Variants in CCDC38 observed in about 807,000 individuals in gnomAD.
The protein encoded by CCDC38 is coiled-coil domain-containing protein 38.
In CCDC38, 69 loss-of-function variants were observed where a neutral mutation model predicts 72.8. The observed-to-expected ratio is 0.95, with a 90% CI of 0.78 to 1.16. The LOEUF is 1.16. Among genes scored for constraint, CCDC38 ranks in the 50% most tolerant of loss-of-function variants. The probability of loss-of-function intolerance (pLI) is 0.00; values close to 1 mark genes in which losing one functional copy is unlikely to be tolerated. For synonymous variants in CCDC38, 201 were observed against 213.2 expected, an observed-to-expected ratio of 0.94 and a Z score of 0.50; for missense variants, 626 against 638.9, an observed-to-expected ratio of 0.98 and a Z score of 0.22.
intron 7 of CCDC38, among the ~76,000 whole-genome samples, chr12:95,896,908 C>T (rs1474156752): frequency 2.0e-5 from 3 of 152,192 alleles, no homozygotes; most frequent in Non-Finnish European, 4.4e-5. Flanking sequence ...TGCATAAATG[C>T]AATACTTTGC....
chr12:95,918,842 A>T (rs2136720830), intron 3 of CCDC38, 34 bp downstream of exon 3: 2 of 1,393,616 alleles, frequency 1.4e-6, no homozygotes, highest in East Asian at 2.3e-5. Context: ...TGATTCTAAC[A>T]TTAATTGGGG....
intron 13 of CCDC38, among the ~76,000 whole-genome samples, chr12:95,873,894 T>G (rs1047764106): frequency 1.3e-5 from 2 of 152,252 alleles, no homozygotes; most frequent in East Asian, 1.9e-4. Context: ...TGGTCCTGTT[T>G]AGCATAAAGC....
At chr12:95,921,735 C>T (rs1375763188) in intron 2 of CCDC38, among the ~76,000 whole-genome samples, 1 of 101,638 alleles carries the variant, frequency 9.8e-6, no homozygotes, top group Non-Finnish European at 1.9e-5. Context: ...CTGGAGTTGA[C>T]ACCTTAAATC....
At chr12:95,905,080 A>C (rs902132067) in intron 5 of CCDC38, among the ~76,000 whole-genome samples, 4 of 152,244 alleles carry the variant, frequency 2.6e-5, no homozygotes, top group Non-Finnish European at 4.4e-5. Flanking sequence ...ACTTTAAATA[A>C]TCTGTAGATT....
chr12:95,889,555 G>A (rs901711259), intron 9 of CCDC38, among the ~76,000 whole-genome samples: 2 of 152,126 alleles, frequency 1.3e-5, no homozygotes, highest in African/African-American at 4.8e-5. Flanking sequence ...TTTTCAATCA[G>A]CTGGCCAGAT....
chr12:95,922,664 G>A (rs1053066600), intron 2 of CCDC38, among the ~76,000 whole-genome samples: 8 of 152,162 alleles, frequency 5.3e-5, no homozygotes, highest in Admixed American at 3.3e-4. Flanking sequence ...GGCTTTTGGG[G>A]CCCTGTGAGG....
At chr12:95,870,026 GT>G (rs1422869105) in intron 14 of CCDC38, among the ~76,000 whole-genome samples, 1 of 152,058 alleles carries the variant, frequency 6.6e-6, no homozygotes, top group Admixed American at 6.6e-5. Context: ...GTGTCACCAT[GT>G]TTCCCAGGCC....
chr12:95,897,515 C>T (rs1291833107), intron 7 of CCDC38, among the ~76,000 whole-genome samples: 1 of 147,464 alleles, frequency 6.8e-6, no homozygotes. Context: ...GTGGCTGAGG[C>T]AGGAGAATCG....
At chr12:95,883,398 C>T (rs1450743397) in intron 10 of CCDC38, among the ~76,000 whole-genome samples, 1 of 152,180 alleles carries the variant, frequency 6.6e-6, no homozygotes, top group Non-Finnish European at 1.5e-5. Flanking sequence ...TGCCCATGTA[C>T]TCCTTGAGCC....
chr12:95,918,043 C>A (rs1165843859), intron 3 of CCDC38, among the ~76,000 whole-genome samples: 1 of 152,140 alleles, frequency 6.6e-6, no homozygotes, highest in East Asian at 1.9e-4. Flanking sequence ...GGAACCATCG[C>A]ATACAGATGA....
intron 5 of CCDC38, among the ~76,000 whole-genome samples, chr12:95,900,627 C>T (rs2121481566): frequency 6.6e-6 from 1 of 152,196 alleles, no homozygotes; most frequent in South Asian, 2.1e-4. Flanking sequence ...AGTTAGTCTG[C>T]TCATAATGGT....
chr12:95,893,986 C>T (rs180854755), intron 8 of CCDC38, among the ~76,000 whole-genome samples: 6 of 152,040 alleles, frequency 3.9e-5, no homozygotes, highest in Admixed American at 2.6e-4. Context: ...ACATGACGGC[C>T]GAGGCGGGCA....
chr12:95,906,476 TAA>T (rs1165255808), intron 4 of CCDC38, 25 bp from the exon 5 acceptor site: 3 of 1,534,506 alleles, frequency 2.0e-6, no homozygotes. Context: ...GAAATAGACT[TAA>T]GTTTAGTTCA....
chr12:95,889,033 C>T (rs1307713623), intron 9 of CCDC38: 24 of 85,066 alleles, frequency 2.8e-4, no homozygotes, highest in South Asian at 1.3e-3. Context: ...ATTGTCTCAG[C>T]TTTTTTTTTT....
chr12:95,906,491 A>G, intron 4 of CCDC38, 40 bp from the exon 5 acceptor site: 1 of 1,332,580 alleles, frequency 7.5e-7, no homozygotes, highest in Non-Finnish European at 1.1e-6. Context: ...TTAGTTCATC[A>G]TCCTTAAAAA....
chr12:95,939,129 C>T (rs1001509595), intron 1 of CCDC38, among the ~76,000 whole-genome samples: 4 of 152,134 alleles, frequency 2.6e-5, no homozygotes, highest in Admixed American at 6.5e-5. Context: ...GGTAAGTTAC[C>T]ACGTCCAGCC....
chr12:95,923,466 C>G (rs894226629), intron 2 of CCDC38, among the ~76,000 whole-genome samples: 1 of 152,052 alleles, frequency 6.6e-6, no homozygotes, highest in African/African-American at 2.4e-5. Flanking sequence ...ACACCTCTTC[C>G]CCAATCAGCC....
intron 2 of CCDC38, chr12:95,933,037 C>A (rs899183256): frequency 1.3e-5 from 2 of 152,114 alleles, no homozygotes; most frequent in African/African-American, 4.8e-5. Flanking sequence ...ACACTCCATA[C>A]AAACATTAAC....
intron 13 of CCDC38, 58 bp downstream of exon 13, chr12:95,878,153 G>A: frequency 1.3e-6 from 2 of 1,580,472 alleles, no homozygotes; most frequent in Non-Finnish European, 1.7e-6. Flanking sequence ...AGGACACAGG[G>A]AATAAAAATT....
Sources: gnomAD v4.1 joint callset for allele counts (sites outside exome capture counted in the v4.1 genomes callset) on GRCh38, gnomAD v4.1.1 for gene constraint, MANE v1.5 for transcripts, NCBI Gene and HGNC (gene_info 2026-07-23, HGNC 2026-07-21) for gene names.